Variants in WWOX observed in about 807,000 individuals in gnomAD.
WWOX encodes the protein WW domain containing oxidoreductase, also known as WW domain-containing oxidoreductase.
WWOX carries 69 observed loss-of-function variants against 46.2 expected under a neutral mutation model. That is an observed-to-expected ratio of 1.49 (90% CI 1.23 to 1.82). The LOEUF is 1.82. WWOX is among the 40% of genes most tolerant of loss of function. The pLI, the probability that WWOX is intolerant of heterozygous loss-of-function variation, is 0.00. For synonymous variants in WWOX, 359 were observed against 202.6 expected (o/e 1.77, Z -6.56); for missense variants, 919 against 542.6 (o/e 1.69, Z -6.89).
chr16:78,443,137 A>G (rs1364157713), intron 8 of WWOX, among the ~76,000 whole-genome samples: 4 of 106,536 alleles, frequency 3.8e-5, no homozygotes, highest in Admixed American at 9.0e-5. Context: ...CTCCATCTCA[A>G]AAAAAAAAAA....
At chr16:78,199,713 A>G (rs1225674003) in intron 5 of WWOX, among the ~76,000 whole-genome samples, 1 of 152,142 alleles carries the variant, frequency 6.6e-6, no homozygotes, top group East Asian at 1.9e-4. Flanking sequence ...TCACATATAC[A>G]TGACATCCTA....
chr16:78,288,158 A>C (rs2079800598), intron 5 of WWOX, among the ~76,000 whole-genome samples: 1 of 152,182 alleles, frequency 6.6e-6, no homozygotes, highest in African/African-American at 2.4e-5. Flanking sequence ...CTAGGTTTTT[A>C]AATGAAAAAC....
chr16:78,747,090 T>C (rs1285366005), intron 8 of WWOX, among the ~76,000 whole-genome samples: 1 of 152,180 alleles, frequency 6.6e-6, no homozygotes, highest in Non-Finnish European at 1.5e-5. Flanking sequence ...TCTAGTCTTC[T>C]TTCTTTTCCT....
chr16:78,525,632 A>G (rs2043446670), intron 8 of WWOX: 2 of 152,168 alleles, frequency 1.3e-5, no homozygotes, highest in African/African-American at 2.4e-5. Context: ...GATGCCAGCA[A>G]TATCTTCTAT....
intron 6 of WWOX, among the ~76,000 whole-genome samples, chr16:78,397,382 T>A (rs1406931292): frequency 3.3e-5 from 5 of 152,178 alleles, no homozygotes; most frequent in East Asian, 3.8e-4. Flanking sequence ...ATAATGACTC[T>A]AAGAGTGGGT....
At chr16:79,137,544 A>C (rs568924640) in intron 8 of WWOX, among the ~76,000 whole-genome samples, 2 of 152,266 alleles carry the variant, frequency 1.3e-5, no homozygotes, top group East Asian at 1.9e-4. Flanking sequence ...TCCCGAGGCA[A>C]CGTTGTGGAA....
chr16:78,728,033 C>G (rs1226738101), intron 8 of WWOX, among the ~76,000 whole-genome samples: 1 of 144,798 alleles, frequency 6.9e-6, no homozygotes, highest in Non-Finnish European at 1.5e-5. Flanking sequence ...AACTCCCTTC[C>G]TCTTTCCTCT....
At chr16:79,066,954 T>C (rs953632451) in intron 8 of WWOX, among the ~76,000 whole-genome samples, 16 of 124,084 alleles carry the variant, frequency 1.3e-4, no homozygotes, top group South Asian at 4.9e-4. Flanking sequence ...TTGGCAGAGA[T>C]GGCAGAGATG....
chr16:78,855,087 A>G (rs1388448472), intron 8 of WWOX, among the ~76,000 whole-genome samples: 1 of 151,488 alleles, frequency 6.6e-6, no homozygotes, highest in East Asian at 1.9e-4. Context: ...AGTGGGGACC[A>G]CCCCCCAATT....
chr16:79,182,352 C>G (rs1242510893), intron 8 of WWOX, among the ~76,000 whole-genome samples: 1 of 152,148 alleles, frequency 6.6e-6, no homozygotes, highest in Non-Finnish European at 1.5e-5. Flanking sequence ...TGTCTCCCTA[C>G]TTCCCTTTTT....
chr16:78,468,750 T>C (rs2084147543), intron 8 of WWOX, among the ~76,000 whole-genome samples: 1 of 152,176 alleles, frequency 6.6e-6, no homozygotes, highest in Admixed American at 6.5e-5. Context: ...CAAAGAATTG[T>C]AGTTGGATCA....
intron 8 of WWOX, among the ~76,000 whole-genome samples, chr16:78,541,054 G>A (rs2043880284): frequency 6.6e-6 from 1 of 152,084 alleles, no homozygotes; most frequent in African/African-American, 2.4e-5. Context: ...AATTAATTTA[G>A]ATTTTTTAAA....
chr16:78,532,091 G>T (rs1205356480), intron 8 of WWOX, among the ~76,000 whole-genome samples: 2 of 149,020 alleles, frequency 1.3e-5, no homozygotes, highest in Admixed American at 6.7e-5. Context: ...TTTCCCTTAT[G>T]CATTTGGGAG....
At chr16:79,010,374 C>T (rs1418145396) in intron 8 of WWOX, among the ~76,000 whole-genome samples, 1 of 152,116 alleles carries the variant, frequency 6.6e-6, no homozygotes, top group Non-Finnish European at 1.5e-5. Context: ...GCTTCAGAGA[C>T]AGATCTGGAA....
At chr16:78,183,030 A>C (rs887672339) in intron 5 of WWOX, among the ~76,000 whole-genome samples, 6 of 152,058 alleles carry the variant, frequency 3.9e-5, no homozygotes, top group African/African-American at 1.4e-4. Context: ...TGGTTTTTAA[A>C]TATGCATCTA....
intron 8 of WWOX, among the ~76,000 whole-genome samples, chr16:78,539,672 T>G (rs1400118559): frequency 6.6e-6 from 1 of 152,194 alleles, no homozygotes; most frequent in East Asian, 1.9e-4. Context: ...AGTGGCTGCC[T>G]GGGAAATGAA....
chr16:78,629,209 A>T (rs1175744401), intron 8 of WWOX, among the ~76,000 whole-genome samples: 4 of 151,394 alleles, frequency 2.6e-5, no homozygotes, highest in African/African-American at 9.7e-5. Flanking sequence ...AGACTCTGAA[A>T]ACAGGAAGAC....
At chr16:78,771,205 G>A (rs1295215590) in intron 8 of WWOX, among the ~76,000 whole-genome samples, 3 of 152,202 alleles carry the variant, frequency 2.0e-5, no homozygotes, top group South Asian at 4.1e-4. Context: ...GACCGGAACT[G>A]ACTTACTCTT....
intron 5 of WWOX, among the ~76,000 whole-genome samples, chr16:78,313,528 G>C (rs2080290562): frequency 6.6e-6 from 1 of 152,162 alleles, no homozygotes; most frequent in Admixed American, 6.5e-5. Flanking sequence ...ACCACACCCA[G>C]CTAATTTTTG....
Sources: gnomAD v4.1 joint callset for allele counts (sites outside exome capture counted in the v4.1 genomes callset) on GRCh38, gnomAD v4.1.1 for gene constraint, MANE v1.5 for transcripts, NCBI Gene and HGNC (gene_info 2026-07-23, HGNC 2026-07-21) for gene names.